Variants in PDCL observed in about 807,000 individuals in gnomAD.
PDCL encodes phosducin-like protein.
In PDCL, 11 loss-of-function variants were observed where a neutral mutation model predicts 26.7. That is an observed-to-expected ratio of 0.41 (90% CI 0.26 to 0.68). The LOEUF is 0.68. Ranked by LOEUF, PDCL falls within the 30% of genes least tolerant of loss-of-function variation. The probability of loss-of-function intolerance (pLI) is 0.30; values close to 1 mark genes in which losing one functional copy is unlikely to be tolerated. For missense variants in PDCL, 330 were observed against 371.6 expected, an observed-to-expected ratio of 0.89 and a Z score of 0.92; for synonymous variants, 118 against 134.9, an observed-to-expected ratio of 0.87 and a Z score of 0.87.
At chr9:122,823,236 GC>G in intron 2 of PDCL, 39 bp from the exon 3 acceptor site, 1 of 1,602,154 alleles carries the variant, frequency 6.2e-7, no homozygotes, top group Non-Finnish European at 8.5e-7. Flanking sequence ...AGGAGAATGG[GC>G]AGGGAATTAT....
intron 2 of PDCL, among the ~76,000 whole-genome samples, chr9:122,825,098 C>T (rs925828176): frequency 6.6e-6 from 1 of 151,758 alleles, no homozygotes; most frequent in African/African-American, 2.4e-5. Flanking sequence ...AAGTGAATTC[C>T]ACATGAATCA....
intron 2 of PDCL, among the ~76,000 whole-genome samples, chr9:122,824,559 C>T (rs1271062430): frequency 6.6e-6 from 1 of 152,152 alleles, no homozygotes; most frequent in African/African-American, 2.4e-5. Context: ...CCATAAGCCA[C>T]TAAAGCTTTG....
In PDCL at chr9:122,820,376, A is replaced by T; in HGVS notation, c.615T>A (p.Leu205=). 6.2e-7 allele frequency: 1 copy of T among 1,614,202 alleles called. No individual in the cohort carries two copies. The highest frequency in any genetic ancestry group is 8.5e-7 in the Non-Finnish European group (1 of 1,180,026). The change falls in exon 4 of 4, where the codon CTT becomes CTA. Residue 205 remains leucine, a synonymous_variant. Coordinates refer to ENST00000259467, the MANE Select transcript of PDCL (RefSeq NM_005388.5). Reference sequence around the variant, plus strand: ...ACTTGACAGCTGGGTACTCTGCGGCAAGGCAGATCATGCAACCATTCATGG... The same window carrying T: ...ACTTGACAGCTGGGTACTCTGCGGCTAGGCAGATCATGCAACCATTCATGG... ...TEAMNGCMIC[L]AAEYPAVKFC...
At position 122,823,044 on chromosome 9, in the gene PDCL, TTC is replaced by T; in HGVS notation, c.324_325del (p.Lys109ArgfsTer20). 1 of 1,614,164 alleles carries T rather than the reference TTC, an allele frequency of 6.2e-7. No individual in the cohort carries two copies. Among genetic ancestry groups the T allele is most frequent in the Non-Finnish European group, 8.5e-7 (1 of 1,180,022 alleles). On this transcript the variant is annotated frameshift_variant, in exon 3 of 4. Coordinates refer to ENST00000259467, the MANE Select transcript of PDCL (RefSeq NM_005388.5). LOFTEE classifies it high-confidence loss of function. ...CCCACTGATCTTCTCCTGGAGGTCTTTCTGTTTCTGTTGCTCCTCCTCTTCAT... is the reference window on the plus strand; with the variant it reads ...CCCACTGATCTTCTCCTGGAGGTCTTTGTTTCTGTTGCTCCTCCTCTTCAT...
At chr9:122,826,335 T>C (rs1309246389) in intron 2 of PDCL, among the ~76,000 whole-genome samples, 1 of 152,172 alleles carries the variant, frequency 6.6e-6, no homozygotes, top group Non-Finnish European at 1.5e-5. Context: ...GCACTACCCA[T>C]ATACTCATAC....
At chr9:122,827,483 G>A (rs117046846) in intron 1 of PDCL, among the ~76,000 whole-genome samples, 2,154 of 152,348 alleles carry the variant, frequency 0.014, 12 homozygotes, top group Non-Finnish European at 0.021. Flanking sequence ...GGAGGCCGAG[G>A]AGGGAGGATC....
Position 122,826,741 on chromosome 9 carries a change from T to C in PDCL, c.47A>G (p.Tyr16Cys), listed in dbSNP as rs1292568891. Reference sequence around the variant, plus strand: ...GTCCTCATCCTCACTGCTGCTATAGTAGTACTGCAGTTTCTCCCCCAGCAA... The same window carrying C: ...GTCCTCATCCTCACTGCTGCTATAGCAGTACTGCAGTTTCTCCCCCAGCAA... ...DKLLGEKLQY[Y>C]YSSSEDEDSD... Residue 16 changes from tyrosine (Y) to cysteine (C), a missense_variant, in exon 2 of 4, where the codon TAC (tyrosine) becomes TGC (cysteine). By Grantham distance (194) the Tyr-to-Cys change is radical. Transcript: ENST00000259467. 2 of 1,613,964 alleles carry C rather than the reference T, an allele frequency of 1.2e-6. No homozygotes were observed. Among genetic ancestry groups the C allele is most frequent in the East Asian group, 4.5e-5 (2 of 44,896 alleles).
Position 122,820,533 on chromosome 9 carries a change from T to C in PDCL, c.458A>G (p.His153Arg), listed in dbSNP as rs1305204743. The change falls in exon 4 of 4, where the codon CAC (histidine) becomes CGC (arginine). Residue 153 changes from histidine (H) to arginine (R), a missense_variant. Transcript: ENST00000259467. Reference sequence around the variant, plus strand: ...AACCTGCTTGAATTGGGGCCCCTTGTGAAGCTGCTGCCGCATCTCTTCCAT... The same window carrying C: ...AACCTGCTTGAATTGGGGCCCCTTGCGAAGCTGCTGCCGCATCTCTTCCAT... Reference protein sequence around the residue: ...QRMEEMRQQLHKGPQFKQVFE... With the variant: ...QRMEEMRQQLRKGPQFKQVFE... 9.3e-6 allele frequency: 15 copies of C among 1,614,146 alleles called. No homozygotes were observed. Among genetic ancestry groups the C allele is most frequent in the East Asian group, 2.2e-5 (1 of 44,886 alleles).
chr9:122,820,969 G>C (rs1228755040), intron 3 of PDCL: 1 of 240,480 alleles, frequency 4.2e-6, no homozygotes, highest in Non-Finnish European at 8.2e-6. Flanking sequence ...GTGCACTCCA[G>C]CCTGGGAGAC....
chr9:122,820,662 T>G (rs1053337274), intron 3 of PDCL, 26 bp from the exon 4 acceptor site: 2 of 1,571,986 alleles, frequency 1.3e-6, no homozygotes, highest in African/African-American at 2.7e-5. Flanking sequence ...CAAGTGAGCA[T>G]AAATATGAAA....
Position 122,820,323 on chromosome 9 carries a change from C to T in PDCL, c.668G>A (p.Gly223Asp), listed in dbSNP as rs1829536662. Residue 223 changes from glycine (G) to aspartate (D), a missense_variant, in exon 4 of 4, where the codon GGC (glycine) becomes GAC (aspartate). Physicochemically the swap from Gly to Asp is moderately conservative, Grantham distance 94. Transcript: ENST00000259467. ...KFCKVKSSVI[G>D]ASSQFTRNAL... The stretch of plus-strand genomic sequence containing the variant: ...ATTCCTGGTGAACTGACTGCTGGCG[C>T]CAATAACTGAGCTCTTCACCTTGCA... The T allele has an allele frequency of 6.2e-7, 1 of 1,614,144 alleles. No homozygotes were observed. Among genetic ancestry groups the T allele is most frequent in the Non-Finnish European group, 8.5e-7 (1 of 1,180,030 alleles).
chr9:122,825,859 C>T (rs2131363940), intron 2 of PDCL, among the ~76,000 whole-genome samples: 1 of 152,212 alleles, frequency 6.6e-6, no homozygotes, highest in East Asian at 1.9e-4. Context: ...CAGTGTGAGG[C>T]CAGCCTGGGC....
rs1800887708 is a variant in PDCL at position 122,818,407 on chromosome 9, A to T, written c.*1678T>A. 1 of 152,212 alleles carries T rather than the reference A, an allele frequency of 6.6e-6. No individual in the cohort carries two copies. Among genetic ancestry groups the T allele is most frequent in the Non-Finnish European group, 1.5e-5 (1 of 68,044 alleles). 9.4% of individuals were successfully genotyped at this position (152,212 alleles called of 1,614,324 possible). ...TGAAACATCAAAGTATTTATGATAC[A>T]ACACTAAATAAGGAAGAGCACAGAA... is the stretch of plus-strand genomic sequence containing the variant. On this transcript the variant is annotated 3_prime_UTR_variant, in exon 4 of 4. Coordinates refer to ENST00000259467, the MANE Select transcript of PDCL (RefSeq NM_005388.5).
At chr9:122,821,421 C>A (rs1424761461) in intron 3 of PDCL, among the ~76,000 whole-genome samples, 1 of 152,068 alleles carries the variant, frequency 6.6e-6, no homozygotes, top group Admixed American at 6.5e-5. Context: ...CAAACACACA[C>A]ACACACACAG....
At chr9:122,821,633 T>G (rs1174747981) in intron 3 of PDCL, among the ~76,000 whole-genome samples, 15 of 152,182 alleles carry the variant, frequency 9.9e-5, no homozygotes. Flanking sequence ...TCCCTAATTC[T>G]GCCAGACAGT....
chr9:122,823,770 A>ATT (rs5900545), intron 2 of PDCL, among the ~76,000 whole-genome samples: 29,688 of 137,160 alleles, frequency 0.22, 4,452 homozygotes, highest in African/African-American at 0.42. Context: ...TATTATCTGA[A>ATT]TTTTTTTTTT....
intron 3 of PDCL, among the ~76,000 whole-genome samples, chr9:122,821,413 A>AACAC (rs148493349): frequency 6.7e-6 from 1 of 150,346 alleles, no homozygotes; most frequent in African/African-American, 2.4e-5. Flanking sequence ...ACCATCCCCA[A>AACAC]ACACACACAC....
In PDCL at chr9:122,828,526, A is replaced by C. The variant is rs1829660490; in HGVS notation, c.-61T>G. ...CCAGCAGCTCCGGGCGCCGGAAGGA[A>C]TGGAGCACTTTCTTAAGAGGAAGAG... On this transcript the variant is annotated 5_prime_UTR_variant, in exon 1 of 4. Transcript: ENST00000259467. The C allele has an allele frequency of 6.6e-6, 1 of 152,242 alleles. No homozygotes were observed. The highest frequency in any genetic ancestry group is 6.5e-5 in the Admixed American group (1 of 15,290). The allele number at this position is 152,242 out of a possible 1,614,324, so 9.4% of individuals were successfully genotyped here. A position where few individuals can be genotyped will look rare whatever the true frequency, so the allele number is the denominator to read the frequency against.
intron 2 of PDCL, among the ~76,000 whole-genome samples, chr9:122,824,457 A>G (rs1300988923): frequency 6.6e-6 from 1 of 152,230 alleles, no homozygotes; most frequent in Admixed American, 6.5e-5. Flanking sequence ...CTTTCAGCCT[A>G]GCTCCTAGAT....
Sources: gnomAD v4.1 joint callset for allele counts (sites outside exome capture counted in the v4.1 genomes callset) on GRCh38, gnomAD v4.1.1 for gene constraint, MANE v1.5 for transcripts, NCBI Gene and HGNC (gene_info 2026-07-23, HGNC 2026-07-21) for gene names.